GK5: variants seen among roughly 807,000 people sequenced by gnomAD.
GK5 encodes glycerol kinase 5.
Under a neutral mutation model 77.3 loss-of-function variants are expected in GK5, and 39 were observed. The observed-to-expected ratio is 0.50, with a 90% CI of 0.39 to 0.66. The LOEUF is 0.66. GK5 is among the 30% of genes least tolerant of loss of function. The probability of loss-of-function intolerance (pLI) is 0.00; values close to 1 mark genes in which losing one functional copy is unlikely to be tolerated. For synonymous variants in GK5, 211 were observed against 208.0 expected (o/e 1.01, Z -0.13); for missense variants, 487 against 633.8 (o/e 0.77, Z 2.49).
intron 1 of GK5, 46 bp from the exon 2 acceptor site, chr3:142,215,738 C>A: frequency 1.1e-6 from 1 of 883,344 alleles, no homozygotes; most frequent in South Asian, 1.5e-5. Flanking sequence ...TAGATCAAGT[C>A]AATAGTATGG....
chr3:142,222,336 C>T (rs1034406502), intron 1 of GK5, among the ~76,000 whole-genome samples: 7 of 152,064 alleles, frequency 4.6e-5, no homozygotes, highest in African/African-American at 1.2e-4. Flanking sequence ...GAGGCCGAGG[C>T]GGGTGGATCA....
At position 142,159,210 on chromosome 3, in the gene GK5, G is replaced by C. The variant is rs767577456; in HGVS notation, c.*6412C>G. ...CAGAATGGTTGAAATAAGAAATAGT[G>C]ACAACACCAAATGCTGGCGAGCATG... is the stretch of plus-strand genomic sequence containing the variant. On this transcript the variant is annotated 3_prime_UTR_variant, in exon 16 of 16. Coordinates refer to ENST00000392993, the MANE Select transcript of GK5 (RefSeq NM_001039547.3). 2 of 152,142 alleles carry C rather than the reference G, an allele frequency of 1.3e-5. No homozygotes were observed. Among genetic ancestry groups the C allele is most frequent in the South Asian group, 4.1e-4 (2 of 4,820 alleles). 9.4% of individuals were successfully genotyped at this position (152,142 alleles called of 1,614,324 possible).
At chr3:142,215,077 A>C (rs188139061) in intron 2 of GK5, among the ~76,000 whole-genome samples, 1 of 152,346 alleles carries the variant, frequency 6.6e-6, no homozygotes, top group Admixed American at 6.5e-5. Context: ...GTTCTCAAGC[A>C]AGGTGGCCAT....
At chr3:142,203,250 A>C (rs557281534) in intron 4 of GK5, among the ~76,000 whole-genome samples, 1 of 152,164 alleles carries the variant, frequency 6.6e-6, no homozygotes, top group Non-Finnish European at 1.5e-5. Flanking sequence ...ACATTTTTCT[A>C]TATTAAACTA....
intron 3 of GK5, among the ~76,000 whole-genome samples, chr3:142,209,060 A>T (rs957425377): frequency 1.6e-4 from 25 of 151,934 alleles, no homozygotes; most frequent in African/African-American, 6.0e-4. Context: ...GAGGCAGGAG[A>T]ATGGCGTGAA....
chr3:142,193,750 GT>G (rs2063888956), intron 5 of GK5, among the ~76,000 whole-genome samples: 1 of 151,498 alleles, frequency 6.6e-6, no homozygotes, highest in Non-Finnish European at 1.5e-5. Context: ...TTTCTTTTTT[GT>G]GTGTGGGTAG....
At chr3:142,202,449 T>C (rs1174676925) in intron 4 of GK5, among the ~76,000 whole-genome samples, 1 of 152,138 alleles carries the variant, frequency 6.6e-6, no homozygotes, top group Non-Finnish European at 1.5e-5. Context: ...AATCAAACCA[T>C]TAGCAACTGG....
chr3:142,218,353 T>A (rs1465000256), intron 1 of GK5, among the ~76,000 whole-genome samples: 2 of 137,950 alleles, frequency 1.4e-5, no homozygotes, highest in Non-Finnish European at 3.0e-5. Flanking sequence ...GGCAACGCGG[T>A]GAAACTCCGT....
Position 142,187,737 on chromosome 3 carries a change from T to C in GK5, c.586A>G (p.Ile196Val). The C allele has an allele frequency of 6.2e-7, 1 of 1,612,652 alleles. No individual in the cohort carries two copies. The highest frequency in any genetic ancestry group is 8.5e-7 in the Non-Finnish European group (1 of 1,179,488). The change falls in exon 6 of 16, where the codon ATT becomes GTT. Residue 196 changes from isoleucine to valine, a missense_variant. Around this residue, in one of 4 missense-constraint regions of GK5, gnomAD observed 323 missense variants for 437.4 expected, o/e 0.74. Coordinates refer to ENST00000392993, the MANE Select transcript of GK5 (RefSeq NM_001039547.3). ...AGCTTATATAACAACCAGGTATCAA[T>C]AGTCCCAAAGCAGCAATTTTCTTCT... Reference protein sequence around the residue: ...VEEENCCFGTIDTWLLYKLTK... With the variant: ...VEEENCCFGTVDTWLLYKLTK...
intron 14 of GK5, 108 bp from the exon 15 acceptor site, chr3:142,170,566 ACT>A: frequency 1.1e-6 from 1 of 909,556 alleles, no homozygotes; most frequent in Admixed American, 2.8e-5. Context: ...TATAAATTTT[ACT>A]TTTTAATTCT....
chr3:142,202,590 G>A (rs1018310615), intron 4 of GK5, among the ~76,000 whole-genome samples: 1 of 152,180 alleles, frequency 6.6e-6, no homozygotes, highest in African/African-American at 2.4e-5. Context: ...TCATGTGCAT[G>A]TTCAATATCA....
intron 14 of GK5, 49 bp downstream of exon 14, chr3:142,171,370 A>G: frequency 7.1e-7 from 1 of 1,410,004 alleles, no homozygotes; most frequent in East Asian, 2.7e-5. Flanking sequence ...AGCAGCTACC[A>G]CTTACTTCTA....
chr3:142,197,551 G>GT (rs1356887245), intron 5 of GK5, among the ~76,000 whole-genome samples: 1 of 152,004 alleles, frequency 6.6e-6, no homozygotes, highest in African/African-American at 2.4e-5. Flanking sequence ...GTTAGATCTT[G>GT]TTTTTTTATC....
chr3:142,182,876 C>A, intron 10 of GK5, 47 bp downstream of exon 10: 1 of 1,371,310 alleles, frequency 7.3e-7, no homozygotes, highest in Non-Finnish European at 1.0e-6. Flanking sequence ...TAAATATGAA[C>A]AGAAGTGATA....
At chr3:142,211,582 C>T (rs1309068336) in intron 3 of GK5, among the ~76,000 whole-genome samples, 1 of 152,106 alleles carries the variant, frequency 6.6e-6, no homozygotes. Flanking sequence ...ACTTGAGGCT[C>T]AGAGTTCAAG....
intron 3 of GK5, 136 bp downstream of exon 3, chr3:142,213,390 G>A (rs972942446): frequency 4.8e-6 from 3 of 629,738 alleles, no homozygotes; most frequent in Non-Finnish European, 8.7e-6. Context: ...CCAGAAAGCA[G>A]GCACATTTCA....
intron 3 of GK5, among the ~76,000 whole-genome samples, chr3:142,211,881 A>G (rs1449232215): frequency 2.6e-5 from 4 of 152,156 alleles, no homozygotes; most frequent in East Asian, 1.9e-4. Flanking sequence ...CACCTCTGAG[A>G]TATCTCCACA....
At chr3:142,189,068 G>A (rs2063813657) in intron 5 of GK5, among the ~76,000 whole-genome samples, 1 of 152,098 alleles carries the variant, frequency 6.6e-6, no homozygotes, top group Non-Finnish European at 1.5e-5. Context: ...TCAGTCTGTA[G>A]CATTCTATAG....
At chr3:142,214,130 G>A (rs916308629) in intron 2 of GK5, among the ~76,000 whole-genome samples, 5 of 152,114 alleles carry the variant, frequency 3.3e-5, no homozygotes, top group Non-Finnish European at 5.9e-5. Context: ...GGCCTTAAAG[G>A]TTGTTTCTGA....
Sources: allele counts gnomAD v4.1 joint callset (sites outside exome capture counted in the v4.1 genomes callset), GRCh38; gene constraint gnomAD v4.1.1; regional missense constraint gnomAD v4.1.1; transcripts MANE v1.5; gene names NCBI Gene and HGNC (gene_info 2026-07-23, HGNC 2026-07-21).